RGS7: variants seen among roughly 807,000 people sequenced by gnomAD.
The protein encoded by RGS7 is regulator of G protein signaling 7, also known as regulator of G-protein signaling 7.
In RGS7, 27 loss-of-function variants were observed where a neutral mutation model predicts 81.1. The ratio of observed to expected loss-of-function variants is 0.33; its 90% CI spans 0.25 to 0.46. RGS7 has a LOEUF of 0.46. Ranked by LOEUF, RGS7 falls within the 20% of genes least tolerant of loss-of-function variation. The probability of loss-of-function intolerance (pLI) is 1.00; values close to 1 mark genes in which losing one functional copy is unlikely to be tolerated. For synonymous variants in RGS7, 208 were observed against 207.7 expected, an observed-to-expected ratio of 1.00 and a Z score of -0.01; for missense variants, 396 against 607.4, an observed-to-expected ratio of 0.65 and a Z score of 3.66.
At position 241,315,595 on chromosome 1, in the gene RGS7, T is replaced by C. The variant is rs569158001; in HGVS notation, c.78+40104A>G. On this transcript the variant is annotated intron_variant, in intron 2 of 18. Transcript: ENST00000440928. ...TCCTGCTCCAAGTTCTAACAATTTT[T>C]GTGAAGTCTCTGGGATCTTCTACAT... Among the ~76,000 whole-genome samples, 38 of 152,226 alleles carry C rather than the reference T, an allele frequency of 2.5e-4. 3 individuals are homozygous for C. The highest frequency in any genetic ancestry group is 4.8e-4 in the Non-Finnish European group (33 of 68,042).
chr1:241,087,982 A>C (rs1472612930), intron 3 of RGS7, among the ~76,000 whole-genome samples: 53 of 75,080 alleles, frequency 7.1e-4, no homozygotes, highest in African/African-American at 1.4e-3. Flanking sequence ...CTCTCTATAT[A>C]TATATATATA....
At chr1:241,242,306 G>GTAGATAGATAGATAGA (rs58976335) in intron 2 of RGS7, among the ~76,000 whole-genome samples, 5,142 of 147,528 alleles carry the variant, frequency 0.035, 109 homozygotes, top group African/African-American at 0.042. Flanking sequence ...CTATGGATGA[G>GTAGATAGATAGATAGA]TAGATAGATA....
At chr1:240,967,103 C>A (rs1682432473) in intron 4 of RGS7, among the ~76,000 whole-genome samples, 1 of 152,158 alleles carries the variant, frequency 6.6e-6, no homozygotes, top group Non-Finnish European at 1.5e-5. Context: ...ATGCCCCTGT[C>A]AACAGGGGTG....
chr1:241,070,386 A>G (rs1036354415), intron 3 of RGS7, among the ~76,000 whole-genome samples: 13 of 151,094 alleles, frequency 8.6e-5, no homozygotes, highest in African/African-American at 3.2e-4. Context: ...AAATCAATTC[A>G]TTTATGACTT....
At chr1:241,325,945 C>T (rs138699425) in intron 2 of RGS7, among the ~76,000 whole-genome samples, 36 of 152,246 alleles carry the variant, frequency 2.4e-4, no homozygotes, top group African/African-American at 7.7e-4. Context: ...CTATGCTCCT[C>T]TGCTCTCTAC....
rs371010893 is a variant in RGS7 at position 241,108,507 on chromosome 1, C to A, written c.79-9745G>T. Among the ~76,000 whole-genome samples, 3 of 152,194 alleles carry A rather than the reference C, an allele frequency of 2.0e-5. No homozygotes were observed. The South Asian group carries it at 6.2e-4, about 32-fold the overall frequency. ...TTTGCCCCGAGGTAGAAAATACCAACGATGCTAAATGTATGTGAAAGAGTA... is the reference window on the plus strand; with the variant it reads ...TTTGCCCCGAGGTAGAAAATACCAAAGATGCTAAATGTATGTGAAAGAGTA... On this transcript the variant is annotated intron_variant, in intron 2 of 18. Coordinates refer to ENST00000440928, the MANE Select transcript of RGS7 (RefSeq NM_001364886.1).
At chr1:241,310,267 C>G (rs1465523371) in intron 2 of RGS7, among the ~76,000 whole-genome samples, 1 of 152,164 alleles carries the variant, frequency 6.6e-6, no homozygotes, top group Non-Finnish European at 1.5e-5. Flanking sequence ...ACTGAAGTAG[C>G]ACCCTGTCTT....
chr1:240,937,228 C>T (rs1026218235), intron 4 of RGS7, among the ~76,000 whole-genome samples: 5 of 152,148 alleles, frequency 3.3e-5, no homozygotes, highest in African/African-American at 1.2e-4. Context: ...GATAAAAACC[C>T]CTTCCCTCCT....
Position 240,816,419 on chromosome 1 carries a change from T to C in RGS7, c.685-4A>G, listed in dbSNP as rs1690805635. The C allele has an allele frequency of 1.3e-6, 2 of 1,552,832 alleles. No homozygotes were observed. The highest frequency in any genetic ancestry group is 1.1e-5 in the South Asian group (1 of 89,650). On this transcript the variant is annotated splice_region_variant and splice_polypyrimidine_tract_variant and intron_variant, in intron 10 of 18. Transcript: ENST00000440928. ...CATTTTGTAAACCATAGACAGACTA[T>C]ATTAAAATAAAAAATAAACATTTTA... is the stretch of plus-strand genomic sequence containing the variant.
intron 3 of RGS7, among the ~76,000 whole-genome samples, chr1:241,042,086 A>G (rs578199824): frequency 2.0e-5 from 3 of 152,332 alleles, no homozygotes; most frequent in South Asian, 2.1e-4. Flanking sequence ...CCCATAGTAT[A>G]TAGAGAAAGA....
chr1:240,980,332 C>T (rs1684732203), intron 4 of RGS7, among the ~76,000 whole-genome samples: 1 of 152,150 alleles, frequency 6.6e-6, no homozygotes, highest in African/African-American at 2.4e-5. Context: ...CCATCAGAAC[C>T]TGCTCCCATA....
Position 240,802,321 on chromosome 1 carries a change from T to C in RGS7, c.1359+583A>G, listed in dbSNP as rs184029129. Among the ~76,000 whole-genome samples the C allele has an allele frequency of 9.5e-4, 145 of 152,268 alleles. 1 individual carries two copies. Among genetic ancestry groups the C allele is most frequent in the African/African-American group, 3.4e-3 (140 of 41,566 alleles). ...AACAGAGAGACATTGATTATTAACA[T>C]TGTTGAATAATGAGGTCTACTACAA... is the stretch of plus-strand genomic sequence containing the variant. On this transcript the variant is annotated intron_variant, in intron 16 of 18. Transcript: ENST00000440928.
rs534417010 is a variant in RGS7, at chr1:241,224,686, T to C, written c.79-125924A>G. Among the ~76,000 whole-genome samples, 20 of 152,266 alleles carry C rather than the reference T, an allele frequency of 1.3e-4. No homozygotes were observed. The South Asian group carries it at 3.3e-3, about 25-fold the overall frequency. ...GAATATAAATATCACGAAGTACATA[T>C]AGTGGATAGAGTACTTCCTGAGACA... On this transcript the variant is annotated intron_variant, in intron 2 of 18. Transcript: ENST00000440928.
chr1:240,975,652 A>G (rs1434201820), intron 4 of RGS7, among the ~76,000 whole-genome samples: 1 of 152,240 alleles, frequency 6.6e-6, no homozygotes, highest in Admixed American at 6.5e-5. Context: ...AATTTTGTGA[A>G]GGATCCAGAC....
intron 4 of RGS7, among the ~76,000 whole-genome samples, chr1:240,945,877 A>G (rs1358632321): frequency 1.3e-5 from 2 of 152,206 alleles, no homozygotes; most frequent in Non-Finnish European, 2.9e-5. Flanking sequence ...ATGTTGGTGT[A>G]TGAGTTTTAG....
intron 2 of RGS7, among the ~76,000 whole-genome samples, chr1:241,264,223 C>T (rs752424103): frequency 3.9e-5 from 6 of 152,138 alleles, no homozygotes; most frequent in Non-Finnish European, 7.3e-5. Flanking sequence ...TTAGGCCAGG[C>T]GCAGTGACTC....
chr1:241,126,939 T>C (rs1366151382), intron 2 of RGS7, among the ~76,000 whole-genome samples: 2 of 152,140 alleles, frequency 1.3e-5, no homozygotes, highest in African/African-American at 2.4e-5. Context: ...CTTCCTTCCT[T>C]CATTCCAGAA....
At chr1:240,796,245 G>T (rs758170852) in intron 18 of RGS7, among the ~76,000 whole-genome samples, 1 of 152,164 alleles carries the variant, frequency 6.6e-6, no homozygotes, top group East Asian at 1.9e-4. Context: ...TCCACAGTGG[G>T]CTTAGATAAA....
intron 18 of RGS7, 45 bp from the exon 19 acceptor site, chr1:240,776,258 C>T (rs752150342): frequency 6.9e-6 from 10 of 1,457,828 alleles, no homozygotes; most frequent in Admixed American, 1.7e-5. Flanking sequence ...AAATCAAGTA[C>T]GATCACTGAA....
Sources: allele counts gnomAD v4.1 joint callset (sites outside exome capture counted in the v4.1 genomes callset), GRCh38; gene constraint gnomAD v4.1.1; transcripts MANE v1.5; gene names NCBI Gene and HGNC (gene_info 2026-07-23, HGNC 2026-07-21).